The following PPARA variants were observed in gnomAD, a reference collection of about 807,000 sequenced individuals.
The protein encoded by PPARA is peroxisome proliferator activated receptor alpha.
A neutral mutation model predicts 42.2 loss-of-function variants in PPARA; 22 were observed. The observed-to-expected ratio is 0.52, with a 90% confidence interval of 0.37 to 0.74. The LOEUF is 0.74. Among genes scored for constraint, PPARA ranks in the 30% least tolerant of loss-of-function variants. The pLI, the probability that PPARA is intolerant of heterozygous loss-of-function variation, is 0.00. For synonymous variants in PPARA, 242 were observed against 239.3 expected, an observed-to-expected ratio of 1.01 and a Z score of -0.10; for missense variants, 465 against 608.2, an observed-to-expected ratio of 0.76 and a Z score of 2.48.
intron 2 of PPARA, among the ~76,000 whole-genome samples, chr22:46,170,640 G>C (rs968889779): frequency 6.6e-6 from 1 of 151,622 alleles, no homozygotes; most frequent in African/African-American, 2.4e-5. Flanking sequence ...CGTCTGCCTG[G>C]TGTAGGAGAG....
Position 46,225,112 on chromosome 22 carries a change from G to A in PPARA, c.711+5098G>A, listed in dbSNP as rs1935311880. Among the ~76,000 whole-genome samples, 1 of 152,152 alleles carries A rather than the reference G, an allele frequency of 6.6e-6. No individual in the cohort carries two copies. Among genetic ancestry groups the A allele is most frequent in the African/African-American group, 2.4e-5 (1 of 41,424 alleles). The stretch of plus-strand genomic sequence containing the variant: ...GGCCGCTGCATGGAGCCGCATAGAT[G>A]CCATTGCTTGAGGAAAGGTGGGCTT... On this transcript the variant is annotated intron_variant, in intron 7 of 8. Transcript: ENST00000407236. The surrounding 1 kb of genome is among the most constrained non-coding windows in gnomAD (Gnocchi z 4.1).
At chr22:46,226,946 G>GT (rs1182243885) in intron 7 of PPARA, among the ~76,000 whole-genome samples, 1 of 152,114 alleles carries the variant, frequency 6.6e-6, no homozygotes, top group African/African-American at 2.4e-5. Flanking sequence ...TTTAAGACCA[G>GT]TTTTGAAAGA....
intron 2 of PPARA, among the ~76,000 whole-genome samples, chr22:46,157,923 A>AC (rs781916704): frequency 0.36 from 54,090 of 151,992 alleles, 10,856 homozygotes; most frequent in African/African-American, 0.54. Flanking sequence ...CTTGCTTTAT[A>AC]TTTTAACTTA....
At position 46,235,619 on chromosome 22, in the gene PPARA, G is replaced by T. The variant is rs1936165552; in HGVS notation, c.*239G>T. 1.8e-6 allele frequency: 1 copy of T among 548,918 alleles called. No homozygotes were observed. The highest frequency in any genetic ancestry group is 3.3e-6 in the Non-Finnish European group (1 of 306,280). 34.0% of individuals were successfully genotyped at this position (548,918 alleles called of 1,614,324 possible). On this transcript the variant is annotated 3_prime_UTR_variant, in exon 9 of 9. Transcript: ENST00000407236. This position sits in a 1 kb window ranked among gnomAD's most constrained non-coding sequence, Gnocchi z 7.0. ...TAATCTCAGGACTGGGAAGATTACG[G>T]CGAATTATGCTCAATGGTCTGATTT...
intron 7 of PPARA, among the ~76,000 whole-genome samples, chr22:46,226,904 G>T (rs1435396623): frequency 6.6e-6 from 1 of 152,040 alleles, no homozygotes; most frequent in Non-Finnish European, 1.5e-5. Flanking sequence ...TGAGCAAGGA[G>T]ACTAATTTGT....
chr22:46,172,589 G>A (rs1439180690), intron 2 of PPARA, among the ~76,000 whole-genome samples: 1 of 152,154 alleles, frequency 6.6e-6, no homozygotes, highest in Non-Finnish European at 1.5e-5. Flanking sequence ...CTGCATTGCA[G>A]CCTCGGTGAG....
intron 2 of PPARA, among the ~76,000 whole-genome samples, chr22:46,169,738 A>G (rs1214052350): frequency 1.3e-5 from 2 of 152,084 alleles, no homozygotes; most frequent in African/African-American, 4.8e-5. Flanking sequence ...CAGAAAACTG[A>G]TTATGTTATT....
In PPARA at chr22:46,167,819, G is replaced by T. The variant is rs1927300879; in HGVS notation, c.-126-8934G>T. ...ATGCTTTGGGGGACCGAGGTGAGAG[G>T]ATAGCTTGAGGCCAGGAGTCCGAGA... is the stretch of plus-strand genomic sequence containing the variant. On this transcript the variant is annotated intron_variant, in intron 2 of 8. Transcript: ENST00000407236. This position sits in a 1 kb window ranked among gnomAD's most constrained non-coding sequence, Gnocchi z 4.1. 6.6e-6 allele frequency among the ~76,000 whole-genome samples: 1 copy of T among 151,782 alleles called. No individual in the cohort carries two copies. Among genetic ancestry groups the T allele is most frequent in the African/African-American group, 2.4e-5 (1 of 41,304 alleles).
rs1927181019 is a variant in PPARA at position 46,167,044 on chromosome 22, A to G, written c.-126-9709A>G. On this transcript the variant is annotated intron_variant, in intron 2 of 8. Coordinates refer to ENST00000407236, the MANE Select transcript of PPARA (RefSeq NM_005036.6). The surrounding 1 kb of genome is among the most constrained non-coding windows in gnomAD (Gnocchi z 4.1). The stretch of plus-strand genomic sequence containing the variant: ...TGATATGAAAATAGACCATTAGATG[A>G]ATGGAACAGAATAGCAAGTCCAGAA... 6.6e-6 allele frequency among the ~76,000 whole-genome samples: 1 copy of G among 152,178 alleles called. No individual in the cohort carries two copies. The highest frequency in any genetic ancestry group is 2.4e-5 in the African/African-American group (1 of 41,438).
chr22:46,230,399 C>CACTGCATTATTGACCTGTG lies in PPARA; in HGVS notation c.712-1392_712-1374dup, dbSNP rs1569251277. The stretch of plus-strand genomic sequence containing the variant: ...AAAAAAAAGAAATAACACCTTAGCC[C>CACTGCATTATTGACCTGTG]ACTGCATTATTGACCTGTGTCTGCA... On this transcript the variant is annotated intron_variant, in intron 7 of 8. Coordinates refer to ENST00000407236, the MANE Select transcript of PPARA (RefSeq NM_005036.6). The surrounding 1 kb of genome is among the most constrained non-coding windows in gnomAD (Gnocchi z 5.0). Among the ~76,000 whole-genome samples, 1 of 152,288 alleles carries CACTGCATTATTGACCTGTG rather than the reference C, an allele frequency of 6.6e-6. No homozygotes were observed. The highest frequency in any genetic ancestry group is 1.9e-4 in the East Asian group (1 of 5,184).
Position 46,196,527 on chromosome 22 carries a change from C to T in PPARA, c.-42-1815C>T, listed in dbSNP as rs114910860. 1.9e-3 allele frequency among the ~76,000 whole-genome samples: 294 copies of T among 152,314 alleles called. 1 individual carries two copies. The highest frequency in any genetic ancestry group is 6.8e-3 in the African/African-American group (282 of 41,562). ...GAGCCTTTGCACTTGGTGTTCTCTT[C>T]GCTGGAACATTCTCCCCCAAGACAT... On this transcript the variant is annotated intron_variant, in intron 3 of 8. Coordinates refer to ENST00000407236, the MANE Select transcript of PPARA (RefSeq NM_005036.6). This position sits in a 1 kb window ranked among gnomAD's most constrained non-coding sequence, Gnocchi z 5.6.
chr22:46,175,573 G>T (rs551462891), intron 2 of PPARA, among the ~76,000 whole-genome samples: 1 of 152,122 alleles, frequency 6.6e-6, no homozygotes, highest in Non-Finnish European at 1.5e-5. Flanking sequence ...AATTAGCCAA[G>T]CGTGGTGGCG....
rs1931699793 is a variant in PPARA at position 46,192,493 on chromosome 22, C to T, written c.-42-5849C>T. 6.6e-6 allele frequency among the ~76,000 whole-genome samples: 1 copy of T among 152,196 alleles called. No homozygotes were observed. Among genetic ancestry groups the T allele is most frequent in the Non-Finnish European group, 1.5e-5 (1 of 68,034 alleles). On this transcript the variant is annotated intron_variant, in intron 3 of 8. Coordinates refer to ENST00000407236, the MANE Select transcript of PPARA (RefSeq NM_005036.6). The surrounding 1 kb of genome is among the most constrained non-coding windows in gnomAD (Gnocchi z 4.3). ...GATGTCTACTTCCTCTTGTATTTGT[C>T]TGTTTTTAAGTGTTCTACAATTTTC... is the stretch of plus-strand genomic sequence containing the variant.
At chr22:46,205,203 T>C (rs1933109885) in intron 4 of PPARA, among the ~76,000 whole-genome samples, 1 of 151,578 alleles carries the variant, frequency 6.6e-6, no homozygotes, top group Non-Finnish European at 1.5e-5. Context: ...TCAATGTCCT[T>C]TTTTTATGGA....
chr22:46,175,175 T>G (rs1172503688), intron 2 of PPARA, among the ~76,000 whole-genome samples: 2 of 152,006 alleles, frequency 1.3e-5, no homozygotes, highest in African/African-American at 4.8e-5. Context: ...TCACGTGCAG[T>G]TTTAGGAAAT....
rs1025305343 is a variant in PPARA, at chr22:46,161,127, A to G, written c.-127+9157A>G. ...AGGGAAAATATGGCCATGGACTCAGAGAAAACCACGGCAGCTTCCATGGAC... is the reference window on the plus strand; with the variant it reads ...AGGGAAAATATGGCCATGGACTCAGGGAAAACCACGGCAGCTTCCATGGAC... On this transcript the variant is annotated intron_variant, in intron 2 of 8. Transcript: ENST00000407236. This position sits in a 1 kb window ranked among gnomAD's most constrained non-coding sequence, Gnocchi z 4.8. Among the ~76,000 whole-genome samples, 1 of 152,262 alleles carries G rather than the reference A, an allele frequency of 6.6e-6. No homozygotes were observed. Among genetic ancestry groups the G allele is most frequent in the African/African-American group, 2.4e-5 (1 of 41,472 alleles).
intron 3 of PPARA, among the ~76,000 whole-genome samples, chr22:46,194,617 A>G (rs1262876704): frequency 1.4e-5 from 2 of 141,382 alleles, no homozygotes; most frequent in African/African-American, 2.7e-5. Context: ...TGTCACCCAG[A>G]CTGGAGGGCA....
At chr22:46,207,581 C>A (rs1028339471) in intron 4 of PPARA, among the ~76,000 whole-genome samples, 25 of 148,718 alleles carry the variant, frequency 1.7e-4, no homozygotes, top group African/African-American at 6.1e-4. Flanking sequence ...CCGAGCCTGG[C>A]CACTTTTTTT....
rs1930197137 is a variant in PPARA at position 46,183,115 on chromosome 22, A to G, written c.-43+6279A>G. Reference sequence around the variant, plus strand: ...ATTAGAACTGTGGCTTTGGCTCTGAAATCCTCATCTGAGGACCCACACTCG... The same window carrying G: ...ATTAGAACTGTGGCTTTGGCTCTGAGATCCTCATCTGAGGACCCACACTCG... On this transcript the variant is annotated intron_variant, in intron 3 of 8. Transcript: ENST00000407236. This position sits in a 1 kb window ranked among gnomAD's most constrained non-coding sequence, Gnocchi z 5.5. 6.6e-6 allele frequency among the ~76,000 whole-genome samples: 1 copy of G among 152,202 alleles called. No homozygotes were observed. The highest frequency in any genetic ancestry group is 2.4e-5 in the African/African-American group (1 of 41,454).
Sources: gnomAD v4.1 joint callset for allele counts (sites outside exome capture counted in the v4.1 genomes callset) on GRCh38, gnomAD v4.1.1 for gene constraint, Gnocchi (gnomAD v3.1) non-coding constraint, MANE v1.5 for transcripts, NCBI Gene and HGNC (gene_info 2026-07-23, HGNC 2026-07-21) for gene names.